Variants in PPP1R14C observed in about 807,000 individuals in gnomAD.
PPP1R14C encodes protein phosphatase 1 regulatory subunit 14C.
A neutral mutation model predicts 20.4 loss-of-function variants in PPP1R14C; 16 were observed. The ratio of observed to expected loss-of-function variants is 0.78; its 90% CI spans 0.53 to 1.19. The LOEUF (loss-of-function observed/expected upper bound fraction) is 1.19. Ranked by LOEUF, PPP1R14C falls within the 50% of genes most tolerant of loss-of-function variation. The pLI is 0.00. For missense variants in PPP1R14C, 211 were observed against 220.1 expected (o/e 0.96, Z 0.26); for synonymous variants, 91 against 91.0 (o/e 1.00, Z 0.00).
intron 1 of PPP1R14C, among the ~76,000 whole-genome samples, chr6:150,187,737 A>G (rs1777694826): frequency 6.6e-6 from 1 of 152,198 alleles, no homozygotes; most frequent in African/African-American, 2.4e-5. Context: ...GCTAATGTGA[A>G]TAGTGCTGCA....
intron 1 of PPP1R14C, among the ~76,000 whole-genome samples, chr6:150,161,673 A>G (rs1224452339): frequency 6.6e-6 from 1 of 152,228 alleles, no homozygotes; most frequent in Non-Finnish European, 1.5e-5. Flanking sequence ...CCTATGGGAA[A>G]CAACTTTATC....
chr6:150,234,891 G>A (rs75634269), intron 3 of PPP1R14C, among the ~76,000 whole-genome samples: 5,058 of 145,764 alleles, frequency 0.035, 324 homozygotes, highest in African/African-American at 0.12. Flanking sequence ...TCAAACTGCG[G>A]ACGCACACAA....
chr6:150,155,952 G>C (rs868477516), intron 1 of PPP1R14C, among the ~76,000 whole-genome samples: 1 of 147,032 alleles, frequency 6.8e-6, no homozygotes, highest in Non-Finnish European at 1.5e-5. Context: ...TTGAACCTGG[G>C]AGGCAGAGAC....
intron 3 of PPP1R14C, among the ~76,000 whole-genome samples, chr6:150,233,492 T>C (rs931302518): frequency 2.6e-5 from 4 of 152,174 alleles, no homozygotes; most frequent in Non-Finnish European, 5.9e-5. Flanking sequence ...GTGAGCTATA[T>C]AGACATTTAA....
chr6:150,239,994 C>A (rs1030119629), intron 3 of PPP1R14C, among the ~76,000 whole-genome samples: 1 of 152,038 alleles, frequency 6.6e-6, no homozygotes, highest in Non-Finnish European at 1.5e-5. Flanking sequence ...GTGAAGGTTG[C>A]AGTGAGCCGA....
chr6:150,201,865 C>T lies in PPP1R14C; in HGVS notation c.307-12879C>T, dbSNP rs1390712537. Among the ~76,000 whole-genome samples, 4 of 152,006 alleles carry T rather than the reference C, an allele frequency of 2.6e-5. No individual in the cohort carries two copies. The highest frequency in any genetic ancestry group is 7.3e-5 in the African/African-American group (3 of 41,364). Reference sequence around the variant, plus strand: ...GTTATGGTGATGGATTGGATGGTGGCGACAGGGAGAGGAGGGGTCAGGAGT... The same window carrying T: ...GTTATGGTGATGGATTGGATGGTGGTGACAGGGAGAGGAGGGGTCAGGAGT... On this transcript the variant is annotated intron_variant, in intron 1 of 3. Transcript: ENST00000361131. This position sits in a 1 kb window ranked among gnomAD's most constrained non-coding sequence, Gnocchi z 4.2.
chr6:150,211,412 C>G (rs1330161730), intron 1 of PPP1R14C, among the ~76,000 whole-genome samples: 1 of 152,288 alleles, frequency 6.6e-6, no homozygotes, highest in African/African-American at 2.4e-5. Flanking sequence ...GCTGTGAAGA[C>G]AGTTGTTTCA....
intron 3 of PPP1R14C, among the ~76,000 whole-genome samples, chr6:150,243,656 C>T (rs779634856): frequency 6.6e-6 from 1 of 152,140 alleles, no homozygotes; most frequent in Non-Finnish European, 1.5e-5. Context: ...AGTGATTCAG[C>T]CATTCCACTC....
At chr6:150,211,570 A>T (rs569411252) in intron 1 of PPP1R14C, among the ~76,000 whole-genome samples, 18 of 152,342 alleles carry the variant, frequency 1.2e-4, no homozygotes, top group South Asian at 4.1e-4. Flanking sequence ...TCATTCAGTG[A>T]TACTGCTCTA....
Position 150,249,262 on chromosome 6 carries a change from A to G in PPP1R14C, c.*442A>G, listed in dbSNP as rs958266413. On this transcript the variant is annotated 3_prime_UTR_variant, in exon 4 of 4. Coordinates refer to ENST00000361131, the MANE Select transcript of PPP1R14C (RefSeq NM_030949.3). The stretch of plus-strand genomic sequence containing the variant: ...TTCTCACACTTGTATATATCTACAC[A>G]CAACTAAGTTAAAATGTTGATGTGA... 127 of 399,068 alleles carry G rather than the reference A, an allele frequency of 3.2e-4. 1 individual carries two copies. The East Asian group carries it at 4.4e-3, about 14-fold the overall frequency. 24.7% of individuals were successfully genotyped at this position (399,068 alleles called of 1,614,324 possible).
At chr6:150,182,052 G>A (rs1777628062) in intron 1 of PPP1R14C, among the ~76,000 whole-genome samples, 1 of 152,136 alleles carries the variant, frequency 6.6e-6, no homozygotes, top group Non-Finnish European at 1.5e-5. Flanking sequence ...ACTAACTTGT[G>A]TGTAAAGGAT....
At chr6:150,228,426 G>A (rs1778254838) in intron 3 of PPP1R14C, among the ~76,000 whole-genome samples, 1 of 152,228 alleles carries the variant, frequency 6.6e-6, no homozygotes, top group Non-Finnish European at 1.5e-5. Flanking sequence ...GTCCAGGAAA[G>A]TGGCAAATGT....
chr6:150,219,501 T>C (rs11966866), intron 3 of PPP1R14C, among the ~76,000 whole-genome samples: 31,833 of 151,906 alleles, frequency 0.21, 4,941 homozygotes, highest in African/African-American at 0.43. Context: ...CAGGCGTGAG[T>C]CACTGTGCCC....
chr6:150,237,994 C>T (rs1366493714), intron 3 of PPP1R14C, among the ~76,000 whole-genome samples: 2 of 152,212 alleles, frequency 1.3e-5, no homozygotes, highest in African/African-American at 2.4e-5. Context: ...CCATAGTCCT[C>T]AGGACACACG....
intron 3 of PPP1R14C, among the ~76,000 whole-genome samples, chr6:150,222,142 G>C (rs1298978679): frequency 8.0e-6 from 1 of 124,402 alleles, no homozygotes; most frequent in East Asian, 2.0e-4. Flanking sequence ...AATGATAATG[G>C]CTAAAAGATC....
intron 1 of PPP1R14C, among the ~76,000 whole-genome samples, chr6:150,193,166 C>T (rs922099399): frequency 6.6e-6 from 1 of 151,988 alleles, no homozygotes. Flanking sequence ...CAGTGCTTCC[C>T]AAATCTCCTG....
intron 1 of PPP1R14C, among the ~76,000 whole-genome samples, chr6:150,163,119 C>T (rs1034636472): frequency 6.6e-5 from 10 of 152,182 alleles, no homozygotes; most frequent in African/African-American, 9.7e-5. Flanking sequence ...AGGCCAGGCG[C>T]GGTGGCTCAT....
At chr6:150,191,193 C>T (rs1255544152) in intron 1 of PPP1R14C, among the ~76,000 whole-genome samples, 2 of 152,156 alleles carry the variant, frequency 1.3e-5, no homozygotes, top group South Asian at 2.1e-4. Context: ...TCCCAGTGAA[C>T]CTTCCAGGAT....
At chr6:150,221,340 T>G (rs996370401) in intron 3 of PPP1R14C, among the ~76,000 whole-genome samples, 6 of 152,212 alleles carry the variant, frequency 3.9e-5, no homozygotes, top group African/African-American at 1.4e-4. Flanking sequence ...TGACACCTGA[T>G]CTTGTGCTCT....
Sources: allele counts gnomAD v4.1 joint callset (sites outside exome capture counted in the v4.1 genomes callset), GRCh38; gene constraint gnomAD v4.1.1; non-coding constraint Gnocchi (gnomAD v3.1); transcripts MANE v1.5; gene names NCBI Gene and HGNC (gene_info 2026-07-23, HGNC 2026-07-21).